The following PCDHGB6 variants were observed in gnomAD, a reference collection of about 807,000 sequenced individuals.
The protein encoded by PCDHGB6 is protocadherin gamma subfamily B, 6, also known as protocadherin gamma-B6.
Under a neutral mutation model 59.1 loss-of-function variants are expected in PCDHGB6, and 51 were observed. The ratio of observed to expected loss-of-function variants is 0.86; its 90% CI spans 0.69 to 1.09. PCDHGB6 has a LOEUF of 1.09. Ranked by LOEUF, PCDHGB6 falls within the 50% of genes least tolerant of loss-of-function variation. PCDHGB6 has a pLI of 0.00. For synonymous variants in PCDHGB6, 466 were observed against 495.1 expected (o/e 0.94, Z 0.78); for missense variants, 1,148 against 1,205.1 (o/e 0.95, Z 0.70).
At chr5:141,472,884 G>A (rs1426207609) in intron 1 of PCDHGB6, among the ~76,000 whole-genome samples, 2 of 151,610 alleles carry the variant, frequency 1.3e-5, no homozygotes, top group African/African-American at 4.8e-5. Flanking sequence ...TACTCGGGAG[G>A]CTGAGGCAGG....
At position 141,477,226 on chromosome 5, in the gene PCDHGB6, C is replaced by G. The variant is rs779570150; in HGVS notation, c.2419-17581C>G. 59 of 1,614,076 alleles carry G rather than the reference C, an allele frequency of 3.7e-5. No homozygotes were observed. The highest frequency in any genetic ancestry group is 1.3e-4 in the Admixed American group (8 of 60,004). On this transcript the variant is annotated intron_variant, in intron 1 of 3. Coordinates refer to ENST00000520790, the MANE Select transcript of PCDHGB6 (RefSeq NM_018926.3). This position sits in a 1 kb window ranked among gnomAD's most constrained non-coding sequence, Gnocchi z 4.9. ...CCGAGGATGCCCCTCTGGGGACTGT[C>G]ATCGCTTTGCTCAGTGTGACTGACC...
At chr5:141,429,929 T>A (rs2097253197) in intron 1 of PCDHGB6, among the ~76,000 whole-genome samples, 1 of 152,240 alleles carries the variant, frequency 6.6e-6, no homozygotes, top group African/African-American at 2.4e-5. Flanking sequence ...AATAGAATTC[T>A]GGAGTACTTC....
At chr5:141,441,554 G>T (rs3805698) in intron 1 of PCDHGB6, 21,236 of 192,824 alleles carry the variant, frequency 0.11, 1,386 homozygotes, top group African/African-American at 0.18. Flanking sequence ...TCCATAGTGT[G>T]CAAGTAGACA....
rs2154586601 is a variant in PCDHGB6, at chr5:141,491,555, A to G, written c.2419-3252A>G. The G allele has an allele frequency of 6.2e-7, 1 of 1,613,986 alleles. No homozygotes were observed. The highest frequency in any genetic ancestry group is 2.2e-5 in the East Asian group (1 of 44,862). ...CTGCGGCCCACAGACTCGCAGAGCC[A>G]CTGCTACAGGACGTGCTTTTCACCG... On this transcript the variant is annotated intron_variant, in intron 1 of 3. Transcript: ENST00000520790. This position sits in a 1 kb window ranked among gnomAD's most constrained non-coding sequence, Gnocchi z 6.9.
intron 1 of PCDHGB6, among the ~76,000 whole-genome samples, chr5:141,481,913 CAAAAAAA>C (rs34114744): frequency 2.2e-5 from 2 of 90,812 alleles, no homozygotes; most frequent in Admixed American, 1.2e-4. Context: ...AACTCCATCT[CAAAAAAA>C]AAAAAAAAAA....
intron 1 of PCDHGB6, among the ~76,000 whole-genome samples, chr5:141,447,279 A>G (rs1394174534): frequency 1.3e-5 from 2 of 152,156 alleles, no homozygotes; most frequent in African/African-American, 4.8e-5. Flanking sequence ...AGCTGGGACT[A>G]CAGGCACATG....
chr5:141,446,266 A>C (rs1268290014), intron 1 of PCDHGB6, among the ~76,000 whole-genome samples: 1 of 152,174 alleles, frequency 6.6e-6, no homozygotes, highest in African/African-American at 2.4e-5. Context: ...TTATTAACTG[A>C]ATAAATACAA....
chr5:141,431,022 G>A lies in PCDHGB6; in HGVS notation c.2418+20402G>A. ...CGCAGCGGCAGCTTGGTCACGGCGG[G>A]CAGGATAGACCGGGAGGAGCTCTGT... On this transcript the variant is annotated intron_variant, in intron 1 of 3. Transcript: ENST00000520790. This position sits in a 1 kb window ranked among gnomAD's most constrained non-coding sequence, Gnocchi z 4.8. 1 of 1,614,078 alleles carries A rather than the reference G, an allele frequency of 6.2e-7. No individual in the cohort carries two copies. Among genetic ancestry groups the A allele is most frequent in the African/African-American group, 1.3e-5 (1 of 75,074 alleles).
intron 1 of PCDHGB6, among the ~76,000 whole-genome samples, chr5:141,474,185 C>A (rs1481544975): frequency 6.6e-6 from 1 of 152,180 alleles, no homozygotes; most frequent in Non-Finnish European, 1.5e-5. Flanking sequence ...AAACTACTTA[C>A]ATTTTTAAAA....
At position 141,473,164 on chromosome 5, in the gene PCDHGB6, G is replaced by A. The variant is rs190029663; in HGVS notation, c.2419-21643G>A. Among the ~76,000 whole-genome samples the A allele has an allele frequency of 1.6e-3, 241 of 152,250 alleles. 5 individuals carry two copies. The highest frequency in any genetic ancestry group is 2.1e-4 in the Non-Finnish European group (14 of 68,014). ...TCTTCAGATCACTAGGGCTAGGAAG[G>A]CCCACTGGTAACTTGAAGGAGTAAA... On this transcript the variant is annotated intron_variant, in intron 1 of 3. Transcript: ENST00000520790.
intron 1 of PCDHGB6, chr5:141,414,202 G>A: frequency 6.2e-7 from 1 of 1,611,912 alleles, no homozygotes; most frequent in Non-Finnish European, 8.5e-7. Flanking sequence ...TACAGTAGAA[G>A]ATGTAAATGA....
chr5:141,486,644 T>G lies in PCDHGB6; in HGVS notation c.2419-8163T>G, dbSNP rs765487821. ...AGACTCTGGCTTGAATGCGCTTATC[T>G]CCTACTCACTCCTGGAGCCCAGGAA... On this transcript the variant is annotated intron_variant, in intron 1 of 3. Transcript: ENST00000520790. This position sits in a 1 kb window ranked among gnomAD's most constrained non-coding sequence, Gnocchi z 5.0. 9.3e-6 allele frequency: 15 copies of G among 1,613,722 alleles called. 2 individuals carry two copies. The Middle Eastern group carries it at 6.6e-4, about 71-fold the overall frequency.
intron 1 of PCDHGB6, among the ~76,000 whole-genome samples, chr5:141,444,242 G>A (rs964582042): frequency 7.5e-6 from 1 of 133,896 alleles, no homozygotes; most frequent in Non-Finnish European, 1.5e-5. Flanking sequence ...CATGCTCTCG[G>A]CTCACTGCAA....
chr5:141,486,673 A>G lies in PCDHGB6; in HGVS notation c.2419-8134A>G. On this transcript the variant is annotated intron_variant, in intron 1 of 3. Transcript: ENST00000520790. The surrounding 1 kb of genome is among the most constrained non-coding windows in gnomAD (Gnocchi z 5.0). ...ACTCACTCCTGGAGCCCAGGAATCG[A>G]GATGTATCAGCTTCCTCTTTCATCT... The G allele has an allele frequency of 6.2e-7, 1 of 1,614,014 alleles. No homozygotes were observed. The highest frequency in any genetic ancestry group is 2.2e-5 in the East Asian group (1 of 44,866).
At chr5:141,457,439 C>T (rs2098920819) in intron 1 of PCDHGB6, among the ~76,000 whole-genome samples, 1 of 152,194 alleles carries the variant, frequency 6.6e-6, no homozygotes, top group Non-Finnish European at 1.5e-5. Context: ...CACCAAGCTG[C>T]AGAAGATCAC....
chr5:141,463,814 C>T (rs1359662651), intron 1 of PCDHGB6, among the ~76,000 whole-genome samples: 7 of 152,188 alleles, frequency 4.6e-5, no homozygotes, highest in African/African-American at 1.7e-4. Flanking sequence ...GCTTTTATCA[C>T]ACATTTTGAT....
intron 1 of PCDHGB6, among the ~76,000 whole-genome samples, chr5:141,450,547 C>T (rs182695399): frequency 3.4e-4 from 51 of 150,496 alleles, no homozygotes; most frequent in African/African-American, 1.0e-3. Context: ...AATGCAGTGG[C>T]GCAGTCTCGG....
In PCDHGB6 at chr5:141,490,912, AATG is replaced by A; in HGVS notation, c.2419-3892_2419-3890del. 6.2e-7 allele frequency: 1 copy of A among 1,613,644 alleles called. No homozygotes were observed. Among genetic ancestry groups the A allele is most frequent in the Non-Finnish European group, 8.5e-7 (1 of 1,179,684 alleles). On this transcript the variant is annotated intron_variant, in intron 1 of 3. Transcript: ENST00000520790. This position sits in a 1 kb window ranked among gnomAD's most constrained non-coding sequence, Gnocchi z 5.4. ...TCTGCATGTGTTTGTCCTAGACGAG[AATG>A]ATAATGCCCCAGCTGTGCTGCACCC...
chr5:141,489,913 A>G lies in PCDHGB6; in HGVS notation c.2419-4894A>G. 1 of 1,614,208 alleles carries G rather than the reference A, an allele frequency of 6.2e-7. No homozygotes were observed. Among genetic ancestry groups the G allele is most frequent in the Non-Finnish European group, 8.5e-7 (1 of 1,180,044 alleles). Reference sequence around the variant, plus strand: ...TGGGGGGACCCCAGCCCGCTCAGGGACCACCCTTATCTCTGTCATCGTGCT... The same window carrying G: ...TGGGGGGACCCCAGCCCGCTCAGGGGCCACCCTTATCTCTGTCATCGTGCT... On this transcript the variant is annotated intron_variant, in intron 1 of 3. Transcript: ENST00000520790. The surrounding 1 kb of genome is among the most constrained non-coding windows in gnomAD (Gnocchi z 4.5).
Sources: allele counts gnomAD v4.1 joint callset (sites outside exome capture counted in the v4.1 genomes callset), GRCh38; gene constraint gnomAD v4.1.1; non-coding constraint Gnocchi (gnomAD v3.1); transcripts MANE v1.5; gene names NCBI Gene and HGNC (gene_info 2026-07-23, HGNC 2026-07-21).